Variants in PPARGC1A observed in about 807,000 individuals in gnomAD.
PPARGC1A encodes the protein peroxisome proliferator-activated receptor gamma coactivator 1-alpha.
Under a neutral mutation model 88.7 loss-of-function variants are expected in PPARGC1A, and 25 were observed. The ratio of observed to expected loss-of-function variants is 0.28; its 90% confidence interval spans 0.21 to 0.39. PPARGC1A has a LOEUF of 0.39. Among genes scored for constraint, PPARGC1A ranks in the 10% least tolerant of loss-of-function variants. The probability of loss-of-function intolerance (pLI) is 1.00; values close to 1 mark genes in which losing one functional copy is unlikely to be tolerated. For missense variants in PPARGC1A, 880 were observed against 968.7 expected, an observed-to-expected ratio of 0.91 and a Z score of 1.22; for synonymous variants, 363 against 355.6, an observed-to-expected ratio of 1.02 and a Z score of -0.24.
the PPARGC1A span, among the ~76,000 whole-genome samples, chr4:23,972,072 T>C: frequency 1.3e-5 from 2 of 152,094 alleles, no homozygotes; most frequent in African/African-American, 4.8e-5. Context: ...GTTGGTTAAG[T>C]AGGATGGAAA....
chr4:24,205,445 A>G, the PPARGC1A span, among the ~76,000 whole-genome samples: 2 of 152,222 alleles, frequency 1.3e-5, no homozygotes, highest in Non-Finnish European at 2.9e-5. Flanking sequence ...AGCCAGAACC[A>G]CTGGCTGAAA....
At chr4:23,978,689 A>G in the PPARGC1A span, among the ~76,000 whole-genome samples, 8 of 152,228 alleles carry the variant, frequency 5.3e-5, no homozygotes, top group Non-Finnish European at 1.0e-4. Context: ...CAGCTAAGAT[A>G]CATTCTAAAA....
chr4:23,807,767 G>A (rs1225080647), intron 10 of PPARGC1A, among the ~76,000 whole-genome samples: 1 of 151,756 alleles, frequency 6.6e-6, no homozygotes, highest in East Asian at 1.9e-4. Flanking sequence ...GTGTGTGTGT[G>A]TGAATAACAT....
chr4:24,039,063 C>A, the PPARGC1A span, among the ~76,000 whole-genome samples: 1 of 152,260 alleles, frequency 6.6e-6, no homozygotes. Flanking sequence ...AATTTAAACT[C>A]AACTTCACTT....
chr4:23,898,987 C>A (rs1718953444), intron 1 of PPARGC1A, among the ~76,000 whole-genome samples: 1 of 152,000 alleles, frequency 6.6e-6, no homozygotes, highest in African/African-American at 2.4e-5. Context: ...AGGCGAGCAC[C>A]ACGACGCCCG....
chr4:24,325,419 C>A, the PPARGC1A span, among the ~76,000 whole-genome samples: 51 of 152,328 alleles, frequency 3.3e-4, 1 homozygote, highest in Admixed American at 1.8e-3. Context: ...CACACAAGAA[C>A]TTCCAAACGC....
the PPARGC1A span, among the ~76,000 whole-genome samples, chr4:24,057,453 GTTT>G: frequency 1.2e-5 from 1 of 86,586 alleles, no homozygotes; most frequent in African/African-American, 5.0e-5. Context: ...GGCTAAGATG[GTTT>G]AAAAAAAAAA....
chr4:24,263,557 T>A, the PPARGC1A span, among the ~76,000 whole-genome samples: 2 of 151,698 alleles, frequency 1.3e-5, no homozygotes, highest in East Asian at 3.9e-4. Flanking sequence ...TCAATAAAAG[T>A]TATACCAAGT....
the PPARGC1A span, among the ~76,000 whole-genome samples, chr4:24,423,249 A>T: frequency 6.6e-6 from 1 of 152,180 alleles, no homozygotes; most frequent in African/African-American, 2.4e-5. Context: ...ATAATCATGT[A>T]TGTGGTGACA....
At chr4:24,384,849 A>G in the PPARGC1A span, among the ~76,000 whole-genome samples, 1 of 152,188 alleles carries the variant, frequency 6.6e-6, no homozygotes, top group Non-Finnish European at 1.5e-5. Flanking sequence ...CAGAAAATTA[A>G]CAAGGATATT....
At chr4:24,020,949 G>C in the PPARGC1A span, among the ~76,000 whole-genome samples, 23 of 152,306 alleles carry the variant, frequency 1.5e-4, no homozygotes, top group African/African-American at 5.5e-4. Context: ...GTTCTGCTCA[G>C]GCCAGTGTGG....
the PPARGC1A span, among the ~76,000 whole-genome samples, chr4:24,232,109 T>C: frequency 6.6e-6 from 1 of 151,998 alleles, no homozygotes; most frequent in Non-Finnish European, 1.5e-5. Context: ...ACAATGAAAT[T>C]ACCAGGCAGT....
At chr4:24,335,179 A>C in the PPARGC1A span, among the ~76,000 whole-genome samples, 2 of 152,222 alleles carry the variant, frequency 1.3e-5, no homozygotes, top group African/African-American at 4.8e-5. Flanking sequence ...CAGTCAATAC[A>C]TGGAACAGAG....
chr4:23,875,894 A>T (rs1161842899), intron 2 of PPARGC1A: 1 of 152,192 alleles, frequency 6.6e-6, no homozygotes, highest in Non-Finnish European at 1.5e-5. Flanking sequence ...GTTCACGTTC[A>T]TCAGCCTCTC....
At chr4:23,839,211 G>A (rs969037442) in intron 2 of PPARGC1A, among the ~76,000 whole-genome samples, 1 of 152,042 alleles carries the variant, frequency 6.6e-6, no homozygotes, top group South Asian at 2.1e-4. Flanking sequence ...TACTGTACAC[G>A]TGAAATTCAG....
the PPARGC1A span, among the ~76,000 whole-genome samples, chr4:24,213,051 A>G: frequency 1.3e-5 from 2 of 151,992 alleles, no homozygotes; most frequent in African/African-American, 2.4e-5. Context: ...CAAAGACCCA[A>G]TGGCAGTTGC....
At chr4:23,949,967 A>C in the PPARGC1A span, among the ~76,000 whole-genome samples, 2 of 152,182 alleles carry the variant, frequency 1.3e-5, no homozygotes, top group Non-Finnish European at 2.9e-5. Flanking sequence ...CGTGCACTAA[A>C]AATGTGGCTG....
the PPARGC1A span, among the ~76,000 whole-genome samples, chr4:23,951,027 A>G: frequency 1.3e-5 from 2 of 152,158 alleles, no homozygotes; most frequent in Non-Finnish European, 2.9e-5. Flanking sequence ...TTGCAATTAC[A>G]CAATTGTTCA....
the PPARGC1A span, among the ~76,000 whole-genome samples, chr4:24,040,506 C>A: frequency 6.6e-6 from 1 of 152,116 alleles, no homozygotes; most frequent in Admixed American, 6.6e-5. Flanking sequence ...AGCAAGAGAG[C>A]GTGTGGCACA....
Sources: allele counts gnomAD v4.1 joint callset (sites outside exome capture counted in the v4.1 genomes callset), GRCh38; gene constraint gnomAD v4.1.1; transcripts MANE v1.5; gene names NCBI Gene and HGNC (gene_info 2026-07-23, HGNC 2026-07-21).